ASAP3: variants seen among roughly 807,000 people sequenced by gnomAD.
The protein encoded by ASAP3 is arf-GAP with SH3 domain, ANK repeat and PH domain-containing protein 3.
A neutral mutation model predicts 118.2 loss-of-function variants in ASAP3; 85 were observed. That is an observed-to-expected ratio of 0.72 (90% confidence interval 0.60 to 0.86). The LOEUF is 0.86. ASAP3 is among the 40% of genes least tolerant of loss of function. ASAP3 has a pLI of 0.00. For missense variants in ASAP3, 1,026 were observed against 1,175.0 expected (o/e 0.87, Z 1.85); for synonymous variants, 432 against 477.4 (o/e 0.90, Z 1.24).
rs147016526 is a variant in ASAP3, at chr1:23,433,272, G to T, written c.2128C>A (p.Arg710Ser). The change falls in exon 22 of 25, where the codon CGC becomes AGC. Residue 710 changes from arginine (R) to serine (S), a missense_variant and splice_region_variant. Coordinates refer to ENST00000336689, the MANE Select transcript of ASAP3 (RefSeq NM_017707.4). ...SDSEEDEEEK[R>S]CLLKLPAQAH... The stretch of plus-strand genomic sequence containing the variant: ...TGGGCCGGGAGCTTCAGCAAGCAGC[G>T]CTGCCAGAGCAAAAGATTGAGGATG... 3.2e-5 allele frequency: 51 copies of T among 1,605,676 alleles called. No homozygotes were observed. In the African/African-American group the frequency reaches 6.6e-4, roughly 21 times the overall value.
chr1:23,477,420 G>C (rs1305100331), intron 1 of ASAP3, among the ~76,000 whole-genome samples: 1 of 150,918 alleles, frequency 6.6e-6, no homozygotes, highest in Non-Finnish European at 1.5e-5. Context: ...TTGGTGATGA[G>C]GGGCACACGT....
rs142019878 is a variant in ASAP3 at position 23,482,951 on chromosome 1, C to CAA, written c.129+1052_129+1053dup. Among the ~76,000 whole-genome samples, 76 of 133,052 alleles carry CAA rather than the reference C, an allele frequency of 5.7e-4. 1 individual carries two copies. Among genetic ancestry groups the CAA allele is most frequent in the African/African-American group, 1.9e-3 (70 of 36,742 alleles). 87.3% of individuals were successfully genotyped at this position (133,052 alleles called of 152,430 possible). On this transcript the variant is annotated intron_variant, in intron 1 of 24. Transcript: ENST00000336689. ...TGGGCGACACAGCGAGACTCCGTCT[C>CAA]AAAAAAAAAAAAGGAAAGAAAAAAG...
At chr1:23,444,539 G>C (rs1414064212) in intron 5 of ASAP3, among the ~76,000 whole-genome samples, 1 of 152,204 alleles carries the variant, frequency 6.6e-6, no homozygotes, top group Non-Finnish European at 1.5e-5. Flanking sequence ...TCCTCATCTG[G>C]AAAACGGAGA....
Position 23,435,904 on chromosome 1 carries a change from C to T in ASAP3, c.1696G>A (p.Ala566Thr), listed in dbSNP as rs781353121. The T allele has an allele frequency of 3.7e-6, 6 of 1,614,156 alleles. No homozygotes were observed. The Admixed American group carries it at 1.0e-4, about 27-fold the overall frequency. ...CNRDLLSVLE[A>T]FANGQDFGQP... The stretch of plus-strand genomic sequence containing the variant: ...CCAAAGTCCTGCCCATTGGCAAAGG[C>T]CTCCAGTACCGACAGGAGGTCCCTG... Residue 566 changes from alanine (A) to threonine (T), a missense_variant, in exon 17 of 25, where the codon GCC becomes ACC. Ala to Thr is a moderately conservative substitution (Grantham distance 58). Transcript: ENST00000336689.
chr1:23,482,292 C>T (rs1303400932), intron 1 of ASAP3, among the ~76,000 whole-genome samples: 1 of 152,208 alleles, frequency 6.6e-6, no homozygotes, highest in African/African-American at 2.4e-5. Flanking sequence ...GAGGCCAAGG[C>T]GGATAGACTG....
chr1:23,456,372 C>A (rs1641387347), intron 1 of ASAP3, among the ~76,000 whole-genome samples, 178 bp from the exon 2 acceptor site: 1 of 152,180 alleles, frequency 6.6e-6, no homozygotes, highest in Non-Finnish European at 1.5e-5. Context: ...AAACAAAAAA[C>A]CACACAGAAA....
intron 22 of ASAP3, 114 bp downstream of exon 22, chr1:23,432,963 G>T: frequency 8.4e-7 from 1 of 1,190,200 alleles, no homozygotes; most frequent in Non-Finnish European, 1.2e-6. Context: ...CCCCTTCCTG[G>T]GAGGTCATCA....
intron 1 of ASAP3, among the ~76,000 whole-genome samples, chr1:23,475,294 T>A (rs556422557): frequency 5.4e-4 from 82 of 152,216 alleles, no homozygotes; most frequent in Non-Finnish European, 9.1e-4. Context: ...TGGCATTTAG[T>A]GTGTGGCAGC....
intron 22 of ASAP3, among the ~76,000 whole-genome samples, chr1:23,432,333 T>C (rs900292284): frequency 6.6e-6 from 1 of 152,154 alleles, no homozygotes; most frequent in African/African-American, 2.4e-5. Flanking sequence ...TCTCTGCCAA[T>C]AGTCCATTCC....
intron 1 of ASAP3, among the ~76,000 whole-genome samples, chr1:23,457,961 A>G (rs1237421043): frequency 6.6e-6 from 1 of 152,224 alleles, no homozygotes; most frequent in African/African-American, 2.4e-5. Flanking sequence ...GAGTATGTTC[A>G]AAATGAACAG....
intron 23 of ASAP3, among the ~76,000 whole-genome samples, 181 bp from the exon 24 acceptor site, chr1:23,431,306 G>C (rs528777990): frequency 6.6e-6 from 1 of 152,328 alleles, no homozygotes; most frequent in South Asian, 2.1e-4. Flanking sequence ...AGAAGACTCT[G>C]TGGATATCTG....
intron 1 of ASAP3, among the ~76,000 whole-genome samples, chr1:23,456,780 G>C (rs897124854): frequency 1.3e-5 from 2 of 152,198 alleles, no homozygotes; most frequent in African/African-American, 4.8e-5. Flanking sequence ...GAAGAGGCCA[G>C]GATGCTATGG....
chr1:23,460,042 A>AGGGAGATAACCC (rs1641519650), intron 1 of ASAP3, among the ~76,000 whole-genome samples: 1 of 152,238 alleles, frequency 6.6e-6, no homozygotes, highest in South Asian at 2.1e-4. Context: ...CTTACAAAGA[A>AGGGAGATAACCC]GGGAGATAAC....
intron 3 of ASAP3, among the ~76,000 whole-genome samples, chr1:23,453,508 A>T (rs1394716255): frequency 6.6e-6 from 1 of 152,194 alleles, no homozygotes; most frequent in African/African-American, 2.4e-5. Context: ...GAGCAGAGAC[A>T]GAGAAACTAC....
At chr1:23,439,076 AG>A in intron 11 of ASAP3, 84 bp downstream of exon 11, 1 of 1,536,958 alleles carries the variant, frequency 6.5e-7, no homozygotes, top group Non-Finnish European at 9.0e-7. Context: ...CCAGTCTTAG[AG>A]GGAGGGCTTG....
intron 17 of ASAP3, among the ~76,000 whole-genome samples, chr1:23,435,081 G>A (rs755168797): frequency 4.6e-5 from 7 of 152,180 alleles, no homozygotes; most frequent in Non-Finnish European, 8.8e-5. Context: ...AAGCTGGAGA[G>A]CAGTGGCGCA....
intron 10 of ASAP3, among the ~76,000 whole-genome samples, chr1:23,440,464 G>C (rs1384457128): frequency 8.7e-6 from 1 of 114,628 alleles, no homozygotes; most frequent in Non-Finnish European, 1.6e-5. Context: ...TCACGTCACT[G>C]CACTCCAGCC....
intron 5 of ASAP3, among the ~76,000 whole-genome samples, chr1:23,451,266 C>T (rs1180842079): frequency 2.6e-5 from 4 of 152,202 alleles, no homozygotes. Context: ...AGAGCAGCAT[C>T]CTGAGGTCCC....
At chr1:23,470,485 G>A (rs929014469) in intron 1 of ASAP3, among the ~76,000 whole-genome samples, 1 of 152,194 alleles carries the variant, frequency 6.6e-6, no homozygotes, top group South Asian at 2.1e-4. Context: ...CAAGGCCTGG[G>A]AGCCAGGACC....
Sources: gnomAD v4.1 joint callset for allele counts (sites outside exome capture counted in the v4.1 genomes callset) on GRCh38, gnomAD v4.1.1 for gene constraint, MANE v1.5 for transcripts, NCBI Gene and HGNC (gene_info 2026-07-23, HGNC 2026-07-21) for gene names.